SLC5A7: variants seen among roughly 807,000 people sequenced by gnomAD.
The protein encoded by SLC5A7 is high affinity choline transporter 1.
SLC5A7 carries 19 observed loss-of-function variants against 55.4 expected under a neutral mutation model. That is an observed-to-expected ratio of 0.34 (90% confidence interval 0.24 to 0.50). The LOEUF (loss-of-function observed/expected upper bound fraction) is 0.50. Among genes scored for constraint, SLC5A7 ranks in the 20% least tolerant of loss-of-function variants. The probability of loss-of-function intolerance (pLI) is 0.98; values close to 1 mark genes in which losing one functional copy is unlikely to be tolerated. For missense variants in SLC5A7, 506 were observed against 705.3 expected (o/e 0.72, Z 3.20); for synonymous variants, 265 against 263.7 (o/e 1.00, Z -0.05).
chr2:108,010,649 T>C lies in SLC5A7; in HGVS notation c.1531T>C (p.Leu511=). 1 of 1,613,958 alleles carries C rather than the reference T, an allele frequency of 6.2e-7. No homozygotes were observed. Among genetic ancestry groups the C allele is most frequent in the Non-Finnish European group, 8.5e-7 (1 of 1,179,936 alleles). The change falls in exon 9 of 9, where the codon TTA becomes CTA. Residue 511 remains leucine (L), a synonymous_variant. Coordinates refer to ENST00000264047, the MANE Select transcript of SLC5A7 (RefSeq NM_021815.5). ...TGAAAGTGGAACCTTGCCACCTAAA[T>C]TAGATGTATTTGATGCTGTTGTTGC... The part of the protein sequence containing the change: ...LFESGTLPPK[L]DVFDAVVARH...
At chr2:107,997,749 T>A in intron 4 of SLC5A7, 89 bp from the exon 5 acceptor site, 1 of 1,283,508 alleles carries the variant, frequency 7.8e-7, no homozygotes, top group South Asian at 2.8e-5. Flanking sequence ...AGAAAAATGT[T>A]GTTTATCACT....
intron 2 of SLC5A7, among the ~76,000 whole-genome samples, chr2:107,989,542 T>A (rs972416855): frequency 6.6e-6 from 1 of 152,214 alleles, no homozygotes; most frequent in African/African-American, 2.4e-5. Flanking sequence ...ATGATGAGCA[T>A]CTGGGGTTAA....
chr2:108,004,981 G>A (rs1254417363), intron 6 of SLC5A7, among the ~76,000 whole-genome samples: 3 of 152,056 alleles, frequency 2.0e-5, no homozygotes, highest in Non-Finnish European at 2.9e-5. Context: ...TAGTTTAAAC[G>A]TTTTTTATTG....
chr2:107,996,965 A>C (rs1469005955), intron 4 of SLC5A7, among the ~76,000 whole-genome samples: 1 of 152,212 alleles, frequency 6.6e-6, no homozygotes, highest in African/African-American at 2.4e-5. Flanking sequence ...CCAATTTGAT[A>C]ATTTGTTCCT....
Position 108,010,864 on chromosome 2 carries a change from C to G in SLC5A7, c.*3C>G, listed in dbSNP as rs539243881. The G allele has an allele frequency of 1.3e-5, 20 of 1,558,722 alleles. No individual in the cohort carries two copies. The highest frequency in any genetic ancestry group is 4.1e-5 in the Admixed American group (2 of 49,116). On this transcript the variant is annotated 3_prime_UTR_variant, in exon 9 of 9. Coordinates refer to ENST00000264047, the MANE Select transcript of SLC5A7 (RefSeq NM_021815.5). ...GGACTGAAGATAATTTACAGTGACCCCATCTAAATAAAATACTGCTTTTGC... is the reference window on the plus strand; with the variant it reads ...GGACTGAAGATAATTTACAGTGACCGCATCTAAATAAAATACTGCTTTTGC...
Position 108,012,980 on chromosome 2 carries a change from T to C in SLC5A7, c.*2119T>C, listed in dbSNP as rs1678395446. The C allele has an allele frequency of 6.6e-6, 1 of 152,132 alleles. No individual in the cohort carries two copies. The highest frequency in any genetic ancestry group is 2.4e-5 in the African/African-American group (1 of 41,434). 9.4% of individuals were successfully genotyped at this position (152,132 alleles called of 1,614,324 possible). A position where few individuals can be genotyped will look rare whatever the true frequency, so the allele number is the denominator to read the frequency against. On this transcript the variant is annotated 3_prime_UTR_variant, in exon 9 of 9. Coordinates refer to ENST00000264047, the MANE Select transcript of SLC5A7 (RefSeq NM_021815.5). ...ACCCTGAGCATCTGTCTCAACCTGC[T>C]GAGGCACAGACTTCCACCATGTGCA...
chr2:108,006,028 A>G, intron 6 of SLC5A7, 21 bp from the exon 7 acceptor site: 9 of 1,613,626 alleles, frequency 5.6e-6, no homozygotes, highest in Non-Finnish European at 7.6e-6. Flanking sequence ...TTGCCTCTCC[A>G]TCCTTGTGTT....
Position 108,008,622 on chromosome 2 carries a change from C to A in SLC5A7, c.1053C>A (p.Ser351=), listed in dbSNP as rs1392367353. 6.2e-7 allele frequency: 1 copy of A among 1,613,368 alleles called. No homozygotes were observed. ...SAAVMSSADS[S]ILSASSMFAR... ...CTGTTATGTCATCAGCAGATTCTTC[C>A]ATCTTGTCAGCAAGTTCCATGTTTG... Residue 351 remains serine (S), a synonymous_variant, in exon 8 of 9, where the codon TCC becomes TCA. Coordinates refer to ENST00000264047, the MANE Select transcript of SLC5A7 (RefSeq NM_021815.5).
intron 6 of SLC5A7, among the ~76,000 whole-genome samples, chr2:108,003,188 T>C (rs1222211158): frequency 1.3e-5 from 2 of 152,216 alleles, no homozygotes; most frequent in Non-Finnish European, 2.9e-5. Flanking sequence ...AGAGTAAATA[T>C]GTATATGTAA....
At chr2:107,989,958 T>C (rs1233422344) in intron 2 of SLC5A7, among the ~76,000 whole-genome samples, 1 of 152,186 alleles carries the variant, frequency 6.6e-6, no homozygotes, top group Non-Finnish European at 1.5e-5. Context: ...TAAAGGGCCA[T>C]GATCTTCCTC....
At chr2:108,004,332 T>A (rs895812064) in intron 6 of SLC5A7, among the ~76,000 whole-genome samples, 1 of 152,188 alleles carries the variant, frequency 6.6e-6, no homozygotes, top group Non-Finnish European at 1.5e-5. Flanking sequence ...TTTGGAAGAA[T>A]ATAGACTTCA....
intron 2 of SLC5A7, among the ~76,000 whole-genome samples, chr2:107,989,339 C>A (rs1180783495): frequency 6.6e-6 from 1 of 152,250 alleles, no homozygotes; most frequent in South Asian, 2.1e-4. Context: ...AATGATTCAC[C>A]GTGTATATCA....
At chr2:107,998,375 A>G (rs1459654426) in intron 5 of SLC5A7, among the ~76,000 whole-genome samples, 2 of 152,214 alleles carry the variant, frequency 1.3e-5, no homozygotes, top group South Asian at 4.1e-4. Flanking sequence ...AATCCTAAGA[A>G]TGCTCATAAG....
At chr2:107,994,443 C>A (rs935692238) in intron 4 of SLC5A7, among the ~76,000 whole-genome samples, 1 of 151,950 alleles carries the variant, frequency 6.6e-6, no homozygotes, top group East Asian at 1.9e-4. Flanking sequence ...ATTAGCCAGG[C>A]GTGGTGGCGG....
In SLC5A7 at chr2:108,011,056, C is replaced by T. The variant is rs1441658730; in HGVS notation, c.*195C>T. 5 of 483,008 alleles carry T rather than the reference C, an allele frequency of 1.0e-5. No individual in the cohort carries two copies. The highest frequency in any genetic ancestry group is 1.7e-5 in the Non-Finnish European group (5 of 291,654). 29.9% of individuals were successfully genotyped at this position (483,008 alleles called of 1,614,324 possible). On this transcript the variant is annotated 3_prime_UTR_variant, in exon 9 of 9. Coordinates refer to ENST00000264047, the MANE Select transcript of SLC5A7 (RefSeq NM_021815.5). ...ACCTATGAAAGCAACAACTTTGTTTCTCATCCATAGTAGTATTGATTTTGA... is the reference window on the plus strand; with the variant it reads ...ACCTATGAAAGCAACAACTTTGTTTTTCATCCATAGTAGTATTGATTTTGA...
chr2:108,006,921 T>A (rs1678145937), intron 7 of SLC5A7, among the ~76,000 whole-genome samples: 1 of 152,170 alleles, frequency 6.6e-6, no homozygotes. Flanking sequence ...AAGAAAGTGA[T>A]GGATAAGCAT....
rs2104384812 is a variant in SLC5A7 at position 108,010,964 on chromosome 2, A to G, written c.*103A>G. 2 of 1,231,082 alleles carry G rather than the reference A, an allele frequency of 1.6e-6. No individual in the cohort carries two copies. The highest frequency in any genetic ancestry group is 2.2e-6 in the Non-Finnish European group (2 of 926,578). The allele number at this position is 1,231,082 out of a possible 1,614,324, so 76.3% of individuals were successfully genotyped here. On this transcript the variant is annotated 3_prime_UTR_variant, in exon 9 of 9. Coordinates refer to ENST00000264047, the MANE Select transcript of SLC5A7 (RefSeq NM_021815.5). ...CAAAAATATATTAAAAATATAAACAATGTTCAGGAGAGTAAAAATTCATAT... is the reference window on the plus strand; with the variant it reads ...CAAAAATATATTAAAAATATAAACAGTGTTCAGGAGAGTAAAAATTCATAT...
intron 4 of SLC5A7, among the ~76,000 whole-genome samples, chr2:107,995,804 A>C (rs1436651077): frequency 6.6e-6 from 1 of 152,142 alleles, no homozygotes; most frequent in Non-Finnish European, 1.5e-5. Flanking sequence ...CATTTTGAAG[A>C]AATGTGTATT....
intron 8 of SLC5A7, among the ~76,000 whole-genome samples, chr2:108,009,286 AT>A (rs996073835): frequency 2.6e-5 from 4 of 151,736 alleles, no homozygotes; most frequent in Non-Finnish European, 5.9e-5. Context: ...ATTTTATTTG[AT>A]TTTTTTTAAT....
Sources: allele counts gnomAD v4.1 joint callset (sites outside exome capture counted in the v4.1 genomes callset), GRCh38; gene constraint gnomAD v4.1.1; transcripts MANE v1.5; gene names NCBI Gene and HGNC (gene_info 2026-07-23, HGNC 2026-07-21).